Variants in MDGA2 observed in about 807,000 individuals in gnomAD.
The protein encoded by MDGA2 is MAM domain-containing glycosylphosphatidylinositol anchor protein 2.
MDGA2 carries 40 observed loss-of-function variants against 117.8 expected under a neutral mutation model. The observed-to-expected ratio is 0.34, with a 90% CI of 0.26 to 0.44. The LOEUF is 0.44. MDGA2 is among the 20% of genes least tolerant of loss of function. MDGA2 has a pLI of 1.00. For synonymous variants in MDGA2, 452 were observed against 439.0 expected (o/e 1.03, Z -0.37); for missense variants, 1,123 against 1,250.6 (o/e 0.90, Z 1.54).
intron 9 of MDGA2, among the ~76,000 whole-genome samples, chr14:46,951,048 A>C (rs1885355116): frequency 1.3e-5 from 2 of 151,904 alleles, no homozygotes; most frequent in Non-Finnish European, 2.9e-5. Flanking sequence ...TATACTGAAC[A>C]TGGAGAAACT....
intron 5 of MDGA2, among the ~76,000 whole-genome samples, chr14:47,120,396 A>G (rs1161421984): frequency 6.6e-6 from 1 of 152,194 alleles, no homozygotes; most frequent in East Asian, 1.9e-4. Context: ...TGAAAATGCA[A>G]TCCATAAATG....
intron 2 of MDGA2, 123 bp downstream of exon 2, chr14:47,301,288 C>T (rs952979765): frequency 4.2e-5 from 40 of 946,918 alleles, no homozygotes; most frequent in African/African-American, 8.2e-5. Context: ...CACACACCCA[C>T]ACCCACCCAC....
At chr14:47,119,836 T>C (rs1881556478) in intron 5 of MDGA2, among the ~76,000 whole-genome samples, 1 of 152,180 alleles carries the variant, frequency 6.6e-6, no homozygotes, top group Admixed American at 6.5e-5. Context: ...TTCCAATAGC[T>C]TTGTTTATAT....
intron 3 of MDGA2, among the ~76,000 whole-genome samples, chr14:47,155,201 C>A (rs1883318118): frequency 6.6e-6 from 1 of 152,176 alleles, no homozygotes. Context: ...CTCAATAAAG[C>A]TCCTCTTCGC....
At chr14:47,158,957 T>C (rs772549034) in intron 3 of MDGA2, among the ~76,000 whole-genome samples, 2 of 152,132 alleles carry the variant, frequency 1.3e-5, no homozygotes, top group Non-Finnish European at 2.9e-5. Flanking sequence ...GGCAACATGA[T>C]ATGATTCCAA....
At chr14:46,883,711 T>C (rs1246520052) in intron 10 of MDGA2, among the ~76,000 whole-genome samples, 3 of 152,068 alleles carry the variant, frequency 2.0e-5, no homozygotes, top group Non-Finnish European at 4.4e-5. Context: ...TGAAGCTTTC[T>C]TTATTAAATG....
chr14:46,936,030 T>C (rs1884767750), intron 9 of MDGA2, among the ~76,000 whole-genome samples: 1 of 150,064 alleles, frequency 6.7e-6, no homozygotes, highest in Admixed American at 6.7e-5. Context: ...ATAATTGGGA[T>C]TGTAGATCCT....
intron 1 of MDGA2, among the ~76,000 whole-genome samples, chr14:47,441,443 TAA>T (rs1224368438): frequency 6.6e-6 from 1 of 152,178 alleles, no homozygotes; most frequent in Non-Finnish European, 1.5e-5. Context: ...CGCAAATTTT[TAA>T]AAAGTCAAAT....
At chr14:47,108,255 C>T (rs143328385) in intron 5 of MDGA2, among the ~76,000 whole-genome samples, 5 of 152,220 alleles carry the variant, frequency 3.3e-5, no homozygotes, top group African/African-American at 9.6e-5. Flanking sequence ...AAATTTTCGC[C>T]GCCCCAACAC....
chr14:47,336,243 T>G (rs369480352), intron 1 of MDGA2, among the ~76,000 whole-genome samples: 3 of 151,860 alleles, frequency 2.0e-5, no homozygotes, highest in Admixed American at 1.3e-4. Flanking sequence ...AAGTCATCAC[T>G]GACCACAACA....
intron 1 of MDGA2, among the ~76,000 whole-genome samples, chr14:47,331,236 C>T (rs894398968): frequency 8.6e-5 from 13 of 151,748 alleles, no homozygotes; most frequent in African/African-American, 2.9e-4. Flanking sequence ...TAGGGGAAAA[C>T]GTACTTTTAT....
intron 7 of MDGA2, among the ~76,000 whole-genome samples, chr14:47,049,111 T>C (rs561834098): frequency 5.9e-5 from 9 of 152,218 alleles, no homozygotes; most frequent in African/African-American, 2.2e-4. Flanking sequence ...AAGTATTATT[T>C]AGAAAGCCAT....
chr14:47,056,803 G>C (rs879609298), intron 7 of MDGA2, among the ~76,000 whole-genome samples: 1 of 152,090 alleles, frequency 6.6e-6, no homozygotes, highest in African/African-American at 2.4e-5. Flanking sequence ...GCAAATGAGT[G>C]ACAATCAAGT....
At chr14:47,133,282 C>T (rs181639968) in intron 4 of MDGA2, among the ~76,000 whole-genome samples, 1 of 151,782 alleles carries the variant, frequency 6.6e-6, no homozygotes, top group African/African-American at 2.4e-5. Context: ...ACAGAATTCC[C>T]ATACATGATA....
intron 5 of MDGA2, among the ~76,000 whole-genome samples, chr14:47,110,742 T>C (rs1880992430): frequency 6.6e-6 from 1 of 152,188 alleles, no homozygotes; most frequent in Non-Finnish European, 1.5e-5. Context: ...TTCTAAAGGA[T>C]TGCTTAGAGC....
intron 1 of MDGA2, among the ~76,000 whole-genome samples, chr14:47,495,040 T>C (rs1007004620): frequency 6.6e-6 from 1 of 152,032 alleles, no homozygotes; most frequent in Non-Finnish European, 1.5e-5. Flanking sequence ...ATTAGATATT[T>C]GTATGGGTAT....
chr14:47,510,921 T>A (rs886162763), intron 1 of MDGA2, among the ~76,000 whole-genome samples: 1 of 142,502 alleles, frequency 7.0e-6, no homozygotes, highest in African/African-American at 2.6e-5. Flanking sequence ...AAATGTTTTT[T>A]CTTTGGTACA....
rs1307279844 is a variant in MDGA2 at position 47,264,732 on chromosome 14, A to G, written c.420+36679T>C. 4.6e-5 allele frequency among the ~76,000 whole-genome samples: 7 copies of G among 152,080 alleles called. No homozygotes were observed. In the East Asian group the frequency reaches 1.4e-3, roughly 29 times the overall value. On this transcript the variant is annotated intron_variant, in intron 2 of 16. Transcript: ENST00000399232. Reference sequence around the variant, plus strand: ...CATATGCAGAATGTGCAGGTTTGTTACATAGGTATACACGTGCCATGGTAG... The same window carrying G: ...CATATGCAGAATGTGCAGGTTTGTTGCATAGGTATACACGTGCCATGGTAG...
intron 7 of MDGA2, chr14:47,059,523 A>C (rs1358484446): frequency 2.8e-6 from 1 of 358,532 alleles, no homozygotes; most frequent in South Asian, 2.2e-5. Context: ...TTTGTCATAT[A>C]TAACACATAG....
Sources: allele counts gnomAD v4.1 joint callset (sites outside exome capture counted in the v4.1 genomes callset), GRCh38; gene constraint gnomAD v4.1.1; transcripts MANE v1.5; gene names NCBI Gene and HGNC (gene_info 2026-07-23, HGNC 2026-07-21).